CROCC2: variants seen among roughly 807,000 people sequenced by gnomAD.
CROCC2 encodes the protein ciliary rootlet coiled-coil, rootletin family member 2.
Under a neutral mutation model 177.6 loss-of-function variants are expected in CROCC2, and 163 were observed. The observed-to-expected ratio is 0.92, with a 90% CI of 0.81 to 1.05. The LOEUF (loss-of-function observed/expected upper bound fraction) is 1.05, where lower values mean the gene tolerates loss of function less well. CROCC2 is among the 50% of genes least tolerant of loss of function. The pLI is 0.00. For missense variants in CROCC2, 1,929 were observed against 1,797.8 expected (o/e 1.07, Z -1.32); for synonymous variants, 904 against 787.3 (o/e 1.15, Z -2.48).
At chr2:240,939,995 T>C (rs1369073537) in intron 14 of CROCC2, among the ~76,000 whole-genome samples, 1 of 152,230 alleles carries the variant, frequency 6.6e-6, no homozygotes, top group Non-Finnish European at 1.5e-5. Context: ...ATTATGCTAT[T>C]GCTGAGTGCA....
chr2:240,920,210 G>C, intron 3 of CROCC2, 76 bp downstream of exon 3: 1 of 597,182 alleles, frequency 1.7e-6, no homozygotes, highest in South Asian at 2.0e-5. Context: ...TTGTCGGGAC[G>C]GCAGTCAGAG....
Position 240,932,729 on chromosome 2 carries a change from G to A in CROCC2, c.1072G>A (p.Glu358Lys). 1.1e-6 allele frequency: 1 copy of A among 893,512 alleles called. No homozygotes were observed. Among genetic ancestry groups the A allele is most frequent in the East Asian group, 2.6e-5 (1 of 38,058 alleles). The allele number at this position is 893,512 out of a possible 1,614,324, so 55.3% of individuals were successfully genotyped here. A position where few individuals can be genotyped will look rare whatever the true frequency, so the allele number is the denominator to read the frequency against. The change falls in exon 9 of 32, where the codon GAG becomes AAG. Residue 358 changes from glutamate to lysine, a missense_variant. Physicochemically the swap from Glu to Lys is moderately conservative, Grantham distance 56 (BLOSUM62 1). This residue lies in a region of CROCC2 where 1,397 missense variants were observed against 1,239.9 expected (regional missense o/e 1.13). Coordinates refer to ENST00000690015, the MANE Select transcript of CROCC2 (RefSeq NM_001351305.2). ...GGCCCAGGAGGACGCCCGGTGCCTG[G>A]AGCTGGCAGGTAGCAGCATCACTGA... ...LVAQEDARCL[E>K]LAGSSITELG...
At position 240,930,908 on chromosome 2, in the gene CROCC2, C is replaced by T. The variant is rs547207724; in HGVS notation, c.750-23C>T. 9 of 693,642 alleles carry T rather than the reference C, an allele frequency of 1.3e-5. No homozygotes were observed. The East Asian group carries it at 2.4e-4, about 19-fold the overall frequency. 43.0% of individuals were successfully genotyped at this position (693,642 alleles called of 1,614,324 possible). On this transcript the variant is annotated intron_variant, in intron 6 of 31. Transcript: ENST00000690015. ...CTGCAGATGGGTCCTGAGTCCGCCACAGATGCTGCCCTTGTCTCCCAGGGG... is the reference window on the plus strand; with the variant it reads ...CTGCAGATGGGTCCTGAGTCCGCCATAGATGCTGCCCTTGTCTCCCAGGGG...
At chr2:240,981,772 A>C (rs946245734) in intron 27 of CROCC2, 2 of 152,026 alleles carry the variant, frequency 1.3e-5, no homozygotes, top group African/African-American at 4.8e-5. Flanking sequence ...GTGTTTTCAG[A>C]ATCCGGCCAC....
Position 240,960,915 on chromosome 2 carries a change from CAGGGGG to C in CROCC2, c.3087+1487_3087+1492del, listed in dbSNP as rs1366047016. On this transcript the variant is annotated intron_variant, in intron 20 of 31. Transcript: ENST00000690015. This position sits in a 1 kb window ranked among gnomAD's most constrained non-coding sequence, Gnocchi z 5.0. ...AACGAGATTGCAAAACTGGGGGCAG[CAGGGGG>C]AGGGGGAGGGGGAGGTGTGGAGAGG... 4.8e-5 allele frequency among the ~76,000 whole-genome samples: 3 copies of C among 62,756 alleles called. No homozygotes were observed. The highest frequency in any genetic ancestry group is 3.4e-4 in the East Asian group (1 of 2,904). 41.2% of individuals were successfully genotyped at this position (62,756 alleles called of 152,430 possible).
At chr2:240,951,154 C>T in intron 18 of CROCC2, among the ~76,000 whole-genome samples, 1 of 150,546 alleles carries the variant, frequency 6.6e-6, no homozygotes, top group East Asian at 2.1e-4. Context: ...CATCCATACA[C>T]TCATCCACAC....
intron 14 of CROCC2, among the ~76,000 whole-genome samples, chr2:240,937,562 A>G (rs1208216111): frequency 1.3e-5 from 2 of 152,108 alleles, no homozygotes; most frequent in African/African-American, 2.4e-5. Flanking sequence ...TTAGTTTTAC[A>G]ATTAGTATTT....
rs188964025 is a variant in CROCC2, at chr2:240,971,872, C to T, written c.4401+3610C>T. 2.6e-4 allele frequency among the ~76,000 whole-genome samples: 39 copies of T among 152,262 alleles called. No individual in the cohort carries two copies. In the East Asian group the frequency reaches 7.0e-3, roughly 27 times the overall value. ...CCCAGGAGAATTTCAGGTCTTACTC[C>T]TACTCAGCTAATCTCAGGATCTGCC... is the stretch of plus-strand genomic sequence containing the variant. On this transcript the variant is annotated intron_variant, in intron 27 of 31. Coordinates refer to ENST00000690015, the MANE Select transcript of CROCC2 (RefSeq NM_001351305.2).
At chr2:240,946,401 G>A (rs541466130) in intron 15 of CROCC2, 148 bp downstream of exon 15, 81 of 835,042 alleles carry the variant, frequency 9.7e-5, no homozygotes, top group Non-Finnish European at 1.4e-4. Context: ...GTGGAGGCGA[G>A]CACAGAGCCT....
At position 240,973,814 on chromosome 2, in the gene CROCC2, GT is replaced by G. The variant is rs2059739863; in HGVS notation, c.4401+5553del. Among the ~76,000 whole-genome samples the G allele has an allele frequency of 6.6e-6, 1 of 152,160 alleles. No homozygotes were observed. The highest frequency in any genetic ancestry group is 2.1e-4 in the South Asian group (1 of 4,834). On this transcript the variant is annotated intron_variant, in intron 27 of 31. Transcript: ENST00000690015. The surrounding 1 kb of genome is among the most constrained non-coding windows in gnomAD (Gnocchi z 4.7). ...CAGATTTATTTGTGTTAAGAAAATT[GT>G]ATTATTTTATAAAATGAGTTGGTGG...
Position 240,965,766 on chromosome 2 carries a change from C to T in CROCC2, c.3734C>T (p.Thr1245Ile), listed in dbSNP as rs1031866477. Residue 1245 changes from threonine (T) to isoleucine (I), a missense_variant, in exon 24 of 32, where the codon ACC becomes ATC. Thr to Ile is a moderately conservative substitution (Grantham distance 89). Transcript: ENST00000690015. The stretch of plus-strand genomic sequence containing the variant: ...CTCCGAGCAGAGCTGCACAGTGTCA[C>T]CAGGAAGCTGCAGGAAGCCAGTGGT... ...QTLRAELHSVTRKLQEASGVA... is the reference protein window; with the variant it reads ...QTLRAELHSVIRKLQEASGVA... 14 of 1,502,214 alleles carry T rather than the reference C, an allele frequency of 9.3e-6. No homozygotes were observed. The Admixed American group carries it at 3.0e-4, about 32-fold the overall frequency. 93.1% of individuals were successfully genotyped at this position (1,502,214 alleles called of 1,614,324 possible). A position where few individuals can be genotyped will look rare whatever the true frequency, so the allele number is the denominator to read the frequency against.
At chr2:240,990,929 C>CAT (rs1377571226) in intron 30 of CROCC2, among the ~76,000 whole-genome samples, 1 of 152,252 alleles carries the variant, frequency 6.6e-6, no homozygotes, top group East Asian at 1.9e-4. Context: ...CGGGCCCATC[C>CAT]ACCAAGGGTG....
At chr2:240,920,253 A>C (rs2059350217) in intron 3 of CROCC2, 119 bp downstream of exon 3, 1 of 583,952 alleles carries the variant, frequency 1.7e-6, no homozygotes, top group South Asian at 2.0e-5. Context: ...AAGACTCGGA[A>C]AGACAGAGTG....
At chr2:240,987,105 C>A (rs1008476247) in intron 28 of CROCC2, among the ~76,000 whole-genome samples, 15 of 152,214 alleles carry the variant, frequency 9.9e-5, no homozygotes, top group Non-Finnish European at 1.6e-4. Context: ...CTGAAGGGGG[C>A]CCAGCGCCAT....
Position 240,973,320 on chromosome 2 carries a change from C to T in CROCC2, c.4401+5058C>T, listed in dbSNP as rs945423962. Among the ~76,000 whole-genome samples the T allele has an allele frequency of 1.3e-5, 2 of 152,184 alleles. No homozygotes were observed. Among genetic ancestry groups the T allele is most frequent in the African/African-American group, 4.8e-5 (2 of 41,456 alleles). ...AGGACCAGCCCGTGGTGTCAGGACA[C>T]GCACGGAACGCAGCAGCAGTGCCCA... On this transcript the variant is annotated intron_variant, in intron 27 of 31. Coordinates refer to ENST00000690015, the MANE Select transcript of CROCC2 (RefSeq NM_001351305.2). The surrounding 1 kb of genome is among the most constrained non-coding windows in gnomAD (Gnocchi z 4.7).
At chr2:240,911,573 C>T (rs558538628) in intron 1 of CROCC2, among the ~76,000 whole-genome samples, 21 of 152,166 alleles carry the variant, frequency 1.4e-4, no homozygotes, top group Non-Finnish European at 2.1e-4. Context: ...GCTGGAATTA[C>T]AGGTGTAAGC....
Position 240,946,130 on chromosome 2 carries a change from G to A in CROCC2, c.2240G>A (p.Gly747Asp). 6.5e-7 allele frequency: 1 copy of A among 1,546,736 alleles called. No individual in the cohort carries two copies. The highest frequency in any genetic ancestry group is 8.7e-7 in the Non-Finnish European group (1 of 1,143,856). Residue 747 changes from glycine to aspartate, a missense_variant, in exon 15 of 32, where the codon GGC becomes GAC. By Grantham distance (94) the Gly-to-Asp change is moderately conservative. This residue lies in a region of CROCC2 where 1,397 missense variants were observed against 1,239.9 expected (regional missense o/e 1.13). Coordinates refer to ENST00000690015, the MANE Select transcript of CROCC2 (RefSeq NM_001351305.2). ...CTGCAGGACCAGGAGGCCCAGATGG[G>A]CACTCTGCAGCAAGCCCTGCAAGGA... The part of the protein sequence containing the change: ...QSLQDQEAQM[G>D]TLQQALQGKD...
intron 1 of CROCC2, among the ~76,000 whole-genome samples, chr2:240,916,488 C>T (rs2059321689): frequency 1.1e-5 from 1 of 91,460 alleles, no homozygotes. Context: ...CGCGCCCCCG[C>T]GCCCCCTGCG....
rs1559600982 is a variant in CROCC2, at chr2:240,949,151, C to A, written c.2482+54C>A. ...TCCCCGAAAGTCAGCCATGGAGGGG[C>A]CCCTGGAATGGAGCTCAGTGCCCAC... On this transcript the variant is annotated intron_variant, in intron 16 of 31. Transcript: ENST00000690015. This position sits in a 1 kb window ranked among gnomAD's most constrained non-coding sequence, Gnocchi z 4.5. 2 of 1,476,302 alleles carry A rather than the reference C, an allele frequency of 1.4e-6. No individual in the cohort carries two copies. Among genetic ancestry groups the A allele is most frequent in the East Asian group, 2.5e-5 (1 of 40,440 alleles). The allele number at this position is 1,476,302 out of a possible 1,614,324, so 91.5% of individuals were successfully genotyped here. A position where few individuals can be genotyped will look rare whatever the true frequency, so the allele number is the denominator to read the frequency against.
Sources: allele counts gnomAD v4.1 joint callset (sites outside exome capture counted in the v4.1 genomes callset), GRCh38; gene constraint gnomAD v4.1.1; regional missense constraint gnomAD v4.1.1; non-coding constraint Gnocchi (gnomAD v3.1); transcripts MANE v1.5; gene names NCBI Gene and HGNC (gene_info 2026-07-23, HGNC 2026-07-21).